TTC28: variants seen among roughly 807,000 people sequenced by gnomAD.
The protein encoded by TTC28 is tetratricopeptide repeat domain 28, also known as tetratricopeptide repeat protein 28.
Under a neutral mutation model 198.0 loss-of-function variants are expected in TTC28, and 61 were observed. The observed-to-expected ratio is 0.31, with a 90% CI of 0.25 to 0.38. The LOEUF (loss-of-function observed/expected upper bound fraction) is 0.38. Among genes scored for constraint, TTC28 ranks in the 10% least tolerant of loss-of-function variants. The pLI is 1.00. For synonymous variants in TTC28, 1,171 were observed against 1,297.8 expected (o/e 0.90, Z 2.10); for missense variants, 2,678 against 3,164.0 (o/e 0.85, Z 3.69).
intron 2 of TTC28, among the ~76,000 whole-genome samples, chr22:28,321,093 C>T (rs1382794418): frequency 1.3e-5 from 2 of 152,100 alleles, no homozygotes; most frequent in African/African-American, 4.8e-5. Context: ...GCAAATTATA[C>T]TGCTGGTAAA....
intron 2 of TTC28, among the ~76,000 whole-genome samples, chr22:28,492,989 C>T (rs770885239): frequency 1.4e-5 from 2 of 145,756 alleles, no homozygotes; most frequent in Non-Finnish European, 3.0e-5. Context: ...AGATTGAGCA[C>T]TGAAAAGGAC....
At chr22:28,073,183 G>T (rs192978078) in intron 12 of TTC28, among the ~76,000 whole-genome samples, 1 of 152,300 alleles carries the variant, frequency 6.6e-6, no homozygotes, top group African/African-American at 2.4e-5. Flanking sequence ...AACTAAGGAA[G>T]TTGAGAGAGA....
chr22:28,044,795 C>T (rs1939798749), intron 12 of TTC28, among the ~76,000 whole-genome samples: 1 of 152,184 alleles, frequency 6.6e-6, no homozygotes, highest in Non-Finnish European at 1.5e-5. Context: ...TTTTTGTACA[C>T]ATCCTTTTTA....
chr22:28,567,497 T>TATAC (rs1555894647), intron 2 of TTC28, among the ~76,000 whole-genome samples: 1 of 127,474 alleles, frequency 7.8e-6, no homozygotes, highest in African/African-American at 2.8e-5. Context: ...TATATATATA[T>TATAC]ATATATATAT....
At chr22:28,507,496 T>C (rs1337798089) in intron 2 of TTC28, among the ~76,000 whole-genome samples, 1 of 152,078 alleles carries the variant, frequency 6.6e-6, no homozygotes, top group Non-Finnish European at 1.5e-5. Flanking sequence ...CAAAATATCA[T>C]CCAGGAGAAC....
intron 6 of TTC28, among the ~76,000 whole-genome samples, chr22:28,111,248 C>G (rs565999993): frequency 4.1e-4 from 63 of 151,858 alleles, no homozygotes; most frequent in African/African-American, 1.4e-3. Flanking sequence ...AAGTAATATT[C>G]CTGGGGACTG....
intron 2 of TTC28, among the ~76,000 whole-genome samples, chr22:28,316,832 T>A (rs2045359659): frequency 6.6e-6 from 1 of 152,194 alleles, no homozygotes; most frequent in Non-Finnish European, 1.5e-5. Context: ...AGTGGTATGA[T>A]CATGGCTCAC....
At chr22:28,348,387 A>C (rs1406042524) in intron 2 of TTC28, among the ~76,000 whole-genome samples, 1 of 152,174 alleles carries the variant, frequency 6.6e-6, no homozygotes, top group Non-Finnish European at 1.5e-5. Context: ...TACTATGTGC[A>C]AGCCTACCTA....
rs9754330 is a variant in TTC28, at chr22:28,165,816, T to A, written c.934-2217A>T. Among the ~76,000 whole-genome samples the A allele has an allele frequency of 9.6e-3, 1,454 of 152,220 alleles. 24 individuals are homozygous for A. The highest frequency in any genetic ancestry group is 0.033 in the African/African-American group (1,355 of 41,508). On this transcript the variant is annotated intron_variant, in intron 5 of 22. Transcript: ENST00000397906. ...TAGCATCATAATGACAGGATCAAATTCACACATAACAATATGAACCTTAAA... is the reference window on the plus strand; with the variant it reads ...TAGCATCATAATGACAGGATCAAATACACACATAACAATATGAACCTTAAA...
rs147340777 is a variant in TTC28 at position 28,447,672 on chromosome 22, A to G, written c.382-141029T>C. Reference sequence around the variant, plus strand: ...GGCTCAGATGTTGCTGGACTTAATAAAGTTATTTAAACTGGGGGTGGGAAT... The same window carrying G: ...GGCTCAGATGTTGCTGGACTTAATAGAGTTATTTAAACTGGGGGTGGGAAT... On this transcript the variant is annotated intron_variant, in intron 2 of 22. Transcript: ENST00000397906. Among the ~76,000 whole-genome samples the G allele has an allele frequency of 4.6e-5, 7 of 152,336 alleles. No homozygotes were observed. In the East Asian group the frequency reaches 1.3e-3, roughly 29 times the overall value.
At chr22:28,306,949 C>A (rs528937678) in intron 2 of TTC28, among the ~76,000 whole-genome samples, 1 of 152,248 alleles carries the variant, frequency 6.6e-6, no homozygotes, top group South Asian at 2.1e-4. Flanking sequence ...TCTTATCCCA[C>A]CTTTAATGCC....
intron 2 of TTC28, among the ~76,000 whole-genome samples, chr22:28,457,758 A>G (rs1431646446): frequency 1.3e-5 from 2 of 152,156 alleles, no homozygotes; most frequent in African/African-American, 4.8e-5. Context: ...TATTTTTTCA[A>G]AATAATCTTT....
chr22:28,414,742 C>A (rs143891762), intron 2 of TTC28, among the ~76,000 whole-genome samples: 1 of 152,132 alleles, frequency 6.6e-6, no homozygotes. Flanking sequence ...AAAGTGAATA[C>A]GCAATGATCT....
intron 6 of TTC28, among the ~76,000 whole-genome samples, chr22:28,112,795 A>T (rs939262942): frequency 6.6e-6 from 1 of 152,186 alleles, no homozygotes; most frequent in East Asian, 1.9e-4. Flanking sequence ...GCCTGTCAGC[A>T]GGGGCGTGCT....
chr22:28,135,757 A>G (rs1214395637), intron 6 of TTC28, among the ~76,000 whole-genome samples: 3 of 152,224 alleles, frequency 2.0e-5, no homozygotes, highest in African/African-American at 7.2e-5. Flanking sequence ...GAGAAAACAC[A>G]GGGAATTCAC....
At chr22:28,608,881 A>G (rs775237358) in intron 2 of TTC28, among the ~76,000 whole-genome samples, 23 of 152,224 alleles carry the variant, frequency 1.5e-4, no homozygotes, top group Non-Finnish European at 3.1e-4. Flanking sequence ...TAGTTTAGGA[A>G]AGTCACTAAC....
intron 12 of TTC28, among the ~76,000 whole-genome samples, chr22:28,053,437 T>C (rs893062518): frequency 6.6e-6 from 1 of 152,210 alleles, no homozygotes; most frequent in Non-Finnish European, 1.5e-5. Context: ...GGATTTACTA[T>C]ATGTATCATA....
chr22:28,534,796 G>A (rs1355449365), intron 2 of TTC28, among the ~76,000 whole-genome samples: 2 of 152,052 alleles, frequency 1.3e-5, no homozygotes, highest in Non-Finnish European at 2.9e-5. Context: ...ATCATTCTGA[G>A]CAAACTATCG....
chr22:28,658,825 C>T (rs1184365898), intron 1 of TTC28, among the ~76,000 whole-genome samples: 1 of 152,094 alleles, frequency 6.6e-6, no homozygotes, highest in Non-Finnish European at 1.5e-5. Flanking sequence ...GGTAAAACCT[C>T]GTCTCTACTA....
Sources: allele counts gnomAD v4.1 joint callset (sites outside exome capture counted in the v4.1 genomes callset), GRCh38; gene constraint gnomAD v4.1.1; transcripts MANE v1.5; gene names NCBI Gene and HGNC (gene_info 2026-07-23, HGNC 2026-07-21).